Variants in MAX observed in about 807,000 individuals in gnomAD.
MAX encodes MYC associated transcriptional regulator X, also known as protein max.
In MAX, 3 loss-of-function variants were observed where a neutral mutation model predicts 22.3. That is an observed-to-expected ratio of 0.13 (90% CI 0.06 to 0.35). The LOEUF (loss-of-function observed/expected upper bound fraction) is 0.35. MAX is among the 10% of genes least tolerant of loss of function. MAX has a pLI of 1.00. For missense variants in MAX, 119 were observed against 209.4 expected (o/e 0.57, Z 2.66); for synonymous variants, 72 against 77.7 (o/e 0.93, Z 0.39).
chr14:65,075,606 T>A lies in MAX; in HGVS notation c.*870A>T. ...CAAGACCGACATCATCAGAAATAGG[T>A]ACAATTCACTCAGATTCAAATTTAA... is the stretch of plus-strand genomic sequence containing the variant. On this transcript the variant is annotated 3_prime_UTR_variant, in exon 5 of 5. Transcript: ENST00000358664. The surrounding 1 kb of genome is among the most constrained non-coding windows in gnomAD (Gnocchi z 4.1). The A allele has an allele frequency of 9.4e-7, 1 of 1,066,312 alleles. No homozygotes were observed. The highest frequency in any genetic ancestry group is 1.1e-6 in the Non-Finnish European group (1 of 879,688). 66.1% of individuals were successfully genotyped at this position (1,066,312 alleles called of 1,614,324 possible). A position where few individuals can be genotyped will look rare whatever the true frequency, so the allele number is the denominator to read the frequency against.
intron 3 of MAX, among the ~76,000 whole-genome samples, chr14:65,080,677 A>C (rs1264994933): frequency 2.0e-5 from 3 of 152,192 alleles, no homozygotes; most frequent in Non-Finnish European, 4.4e-5. Context: ...CACTGATGTA[A>C]TTTACATCCC....
At chr14:65,073,584 G>C (rs1161645572), downstream of MAX, among the ~76,000 whole-genome samples, 2 of 152,188 alleles carry the variant, frequency 1.3e-5, no homozygotes, top group Non-Finnish European at 2.9e-5. Flanking sequence ...ATCTGGTTTT[G>C]TGTAAGTGAG....
At chr14:65,038,186 G>A (rs141111267) in intron 3 of MAX, among the ~76,000 whole-genome samples, 3,110 of 151,764 alleles carry the variant, frequency 0.02, 64 homozygotes, top group African/African-American at 0.05. Flanking sequence ...TGAGGCGGGC[G>A]GATCACGAGG....
rs759569768 is a variant in MAX, at chr14:65,027,921, C to G, written c.172-21637G>C. 7 of 1,061,624 alleles carry G rather than the reference C, an allele frequency of 6.6e-6. No individual in the cohort carries two copies. The highest frequency in any genetic ancestry group is 1.6e-5 in the African/African-American group (1 of 63,322). 65.8% of individuals were successfully genotyped at this position (1,061,624 alleles called of 1,614,324 possible). A position where few individuals can be genotyped will look rare whatever the true frequency, so the allele number is the denominator to read the frequency against. On this transcript the variant is annotated intron_variant, in intron 3 of 3. Coordinates refer to the MAX transcript ENST00000341653. This position sits in a 1 kb window ranked among gnomAD's most constrained non-coding sequence, Gnocchi z 5.7. ...CACATGGGATGACATGTCAGTGACA[C>G]GTCAGAATCATTCAGATGTGATGCA...
At chr14:65,063,544 C>A (rs2062899617) in intron 3 of MAX, among the ~76,000 whole-genome samples, 1 of 152,110 alleles carries the variant, frequency 6.6e-6, no homozygotes, top group Non-Finnish European at 1.5e-5. Context: ...TGACAGCCCT[C>A]AAGGTGAGTC....
Position 65,030,318 on chromosome 14 carries a change from A to G in MAX, c.172-24034T>C, listed in dbSNP as rs989179157. ...TGTGCTCCCAATGCCTGCTGGTGGA[A>G]CTAAACTTCCACTGTGCCTTTGGCT... On this transcript the variant is annotated intron_variant, in intron 3 of 3. Coordinates refer to the MAX transcript ENST00000341653. The surrounding 1 kb of genome is among the most constrained non-coding windows in gnomAD (Gnocchi z 4.5). Among the ~76,000 whole-genome samples the G allele has an allele frequency of 9.2e-5, 14 of 152,234 alleles. No individual in the cohort carries two copies. The highest frequency in any genetic ancestry group is 3.1e-4 in the African/African-American group (13 of 41,464).
Position 65,012,500 on chromosome 14 carries a change from T to G in MAX, c.172-6216A>C. ...GGCTGACCTGTTGCAGAGTCACTCT[T>G]TGTTCTCTGTGGCTCTGGCAGGAGG... On this transcript the variant is annotated intron_variant, in intron 3 of 3. Transcript: ENST00000341653. This position sits in a 1 kb window ranked among gnomAD's most constrained non-coding sequence, Gnocchi z 5.0. The G allele has an allele frequency of 7.1e-7, 1 of 1,406,312 alleles. No homozygotes were observed. The highest frequency in any genetic ancestry group is 9.8e-7 in the Non-Finnish European group (1 of 1,024,366). 87.1% of individuals were successfully genotyped at this position (1,406,312 alleles called of 1,614,324 possible).
intron 3 of MAX, among the ~76,000 whole-genome samples, chr14:65,008,430 CCTGGGCCTGCCCCTG>C (rs1468133319): frequency 6.6e-6 from 1 of 152,200 alleles, no homozygotes; most frequent in Non-Finnish European, 1.5e-5. Flanking sequence ...CAAGGCTAGC[CCTGGGCCTGCCCCTG>C]CTGGGCTCTT....
At position 65,076,331 on chromosome 14, in the gene MAX, C is replaced by T. The variant is rs1043673496; in HGVS notation, c.*145G>A. 7.3e-6 allele frequency: 11 copies of T among 1,509,602 alleles called. No individual in the cohort carries two copies. Among genetic ancestry groups the T allele is most frequent in the Admixed American group, 2.3e-5 (1 of 43,256 alleles). 93.5% of individuals were successfully genotyped at this position (1,509,602 alleles called of 1,614,324 possible). On this transcript the variant is annotated 3_prime_UTR_variant, in exon 5 of 5. Coordinates refer to ENST00000358664, the MANE Select transcript of MAX (RefSeq NM_002382.5). The surrounding 1 kb of genome is among the most constrained non-coding windows in gnomAD (Gnocchi z 6.6). The stretch of plus-strand genomic sequence containing the variant: ...GAGAGCTGTTGTCCAAGAGCTTCTA[C>T]GTAAAAATAAAAATTTAAAAAAAAA...
In MAX at chr14:65,088,711, G is replaced by A. The variant is rs2063412665; in HGVS notation, c.171+4997C>T. 6.6e-6 allele frequency among the ~76,000 whole-genome samples: 1 copy of A among 152,184 alleles called. No individual in the cohort carries two copies. Among genetic ancestry groups the A allele is most frequent in the South Asian group, 2.1e-4 (1 of 4,826 alleles). On this transcript the variant is annotated intron_variant, in intron 3 of 4. Coordinates refer to ENST00000358664, the MANE Select transcript of MAX (RefSeq NM_002382.5). This position sits in a 1 kb window ranked among gnomAD's most constrained non-coding sequence, Gnocchi z 5.2. The stretch of plus-strand genomic sequence containing the variant: ...GCTCCCTACTATGTGCAGGCACTGA[G>A]GGAAGAAATATAACCAAAAGGAGAC...
intron 3 of MAX, among the ~76,000 whole-genome samples, chr14:65,050,038 C>A (rs1470234851): frequency 6.6e-6 from 1 of 151,888 alleles, no homozygotes; most frequent in Non-Finnish European, 1.5e-5. Flanking sequence ...ACTCACATAA[C>A]CAAAACAGAG....
rs1033940401 is a variant in MAX, at chr14:65,069,846, T to C, written c.171+23862A>G. 1.1e-4 allele frequency among the ~76,000 whole-genome samples: 17 copies of C among 152,302 alleles called. No individual in the cohort carries two copies. The East Asian group carries it at 1.7e-3, about 16-fold the overall frequency. ...CATGGTCAAGTTGTTGGAAACAGGG[T>C]CCTTCCTCTCCAAAGTCTCCTACAG... On this transcript the variant is annotated intron_variant, in intron 3 of 3. Transcript: ENST00000341653. The surrounding 1 kb of genome is among the most constrained non-coding windows in gnomAD (Gnocchi z 4.6).
At chr14:65,095,504 C>A (rs927978027) in intron 2 of MAX, among the ~76,000 whole-genome samples, 6 of 152,170 alleles carry the variant, frequency 3.9e-5, no homozygotes, top group Non-Finnish European at 7.3e-5. Context: ...AATAGTGCGA[C>A]AGAATTGAAC....
chr14:65,083,811 A>C, intron 3 of MAX: 1 of 1,128,848 alleles, frequency 8.9e-7, no homozygotes, highest in South Asian at 3.2e-5. Context: ...TTATTTTCTG[A>C]AACCTGTGTA....
intron 3 of MAX, among the ~76,000 whole-genome samples, chr14:65,039,374 C>A (rs187096413): frequency 6.6e-6 from 1 of 152,184 alleles, no homozygotes; most frequent in East Asian, 1.9e-4. Context: ...CTCCTCTTAG[C>A]TTGTTGGATA....
rs762810 is a variant in MAX, at chr14:65,077,649, C to A, written c.295+264G>T. The A allele has an allele frequency of 0.33, 452,719 of 1,384,744 alleles. 77,580 individuals carry two copies. Among genetic ancestry groups the A allele is most frequent in the Non-Finnish European group, 0.35 (355,904 of 1,004,456 alleles). 85.8% of individuals were successfully genotyped at this position (1,384,744 alleles called of 1,614,324 possible). ...CCCTACTGCAGGCAGAGCACCTGAGCCCCAAGAAGGGGAGAGGTCAGGCCA... is the reference window on the plus strand; with the variant it reads ...CCCTACTGCAGGCAGAGCACCTGAGACCCAAGAAGGGGAGAGGTCAGGCCA... On this transcript the variant is annotated intron_variant, in intron 4 of 4. Coordinates refer to ENST00000358664, the MANE Select transcript of MAX (RefSeq NM_002382.5). The surrounding 1 kb of genome is among the most constrained non-coding windows in gnomAD (Gnocchi z 6.3).
intron 3 of MAX, among the ~76,000 whole-genome samples, chr14:65,043,860 A>G (rs1007800162): frequency 2.8e-5 from 4 of 141,186 alleles, no homozygotes; most frequent in African/African-American, 8.0e-5. Flanking sequence ...AAAAAAAAAA[A>G]GAAATGTAGT....
Position 65,077,175 on chromosome 14 carries a change from G to A in MAX, c.296-512C>T, listed in dbSNP as rs2063081977. On this transcript the variant is annotated intron_variant, in intron 4 of 4. Coordinates refer to ENST00000358664, the MANE Select transcript of MAX (RefSeq NM_002382.5). The surrounding 1 kb of genome is among the most constrained non-coding windows in gnomAD (Gnocchi z 6.3). Reference sequence around the variant, plus strand: ...GTCACCAATACACATAAAATACCTGGGCTTTTCAAATAGCCCCTACATGCA... The same window carrying A: ...GTCACCAATACACATAAAATACCTGAGCTTTTCAAATAGCCCCTACATGCA... The A allele has an allele frequency of 1.6e-6, 1 of 628,022 alleles. No homozygotes were observed. Among genetic ancestry groups the A allele is most frequent in the Non-Finnish European group, 2.8e-6 (1 of 355,194 alleles). 38.9% of individuals were successfully genotyped at this position (628,022 alleles called of 1,614,324 possible).
At chr14:65,102,595 G>C (rs2063884851), upstream of MAX, 35 of 1,409,044 alleles carry the variant, frequency 2.5e-5, 1 homozygote, top group South Asian at 4.8e-4. Flanking sequence ...TGGGGCAGCC[G>C]AGACTTGTAG....
Sources: gnomAD v4.1 joint callset for allele counts (sites outside exome capture counted in the v4.1 genomes callset) on GRCh38, gnomAD v4.1.1 for gene constraint, Gnocchi (gnomAD v3.1) non-coding constraint, MANE v1.5 for transcripts, NCBI Gene and HGNC (gene_info 2026-07-23, HGNC 2026-07-21) for gene names.